Variants in CD226 observed in about 807,000 individuals in gnomAD.
CD226 encodes the protein CD226 antigen.
Under a neutral mutation model 34.9 loss-of-function variants are expected in CD226, and 24 were observed. The observed-to-expected ratio is 0.69, with a 90% CI of 0.50 to 0.97. The LOEUF (loss-of-function observed/expected upper bound fraction) is 0.97, where lower values mean the gene tolerates loss of function less well. Among genes scored for constraint, CD226 ranks in the 50% least tolerant of loss-of-function variants. CD226 has a pLI of 0.00. For missense variants in CD226, 397 were observed against 412.7 expected (o/e 0.96, Z 0.33); for synonymous variants, 148 against 147.4 (o/e 1.00, Z -0.03).
At chr18:69,939,511 A>ATG (rs1323783360) in intron 2 of CD226, among the ~76,000 whole-genome samples, 1 of 152,118 alleles carries the variant, frequency 6.6e-6, no homozygotes, top group East Asian at 1.9e-4. Context: ...TCTACTGTTG[A>ATG]TGGGTATTTG....
rs1356436254 is a variant in CD226 at position 69,872,093 on chromosome 18, G to GTGTGGTA, written c.830+1050_830+1051insTACCACA. Reference sequence around the variant, plus strand: ...GTGTGTGTGTGTGTGTGTGTGTGGTGCATTTGGTAACATTACTGAAGGAGA... The same window carrying GTGTGGTA: ...GTGTGTGTGTGTGTGTGTGTGTGGTGTGTGGTACATTTGGTAACATTACTGAAGGAGA... On this transcript the variant is annotated intron_variant, in intron 4 of 5. Coordinates refer to ENST00000582621, the MANE Select transcript of CD226 (RefSeq NM_001303618.2). 7.4e-3 allele frequency among the ~76,000 whole-genome samples: 726 copies of GTGTGGTA among 98,112 alleles called. 4 individuals carry two copies. Among genetic ancestry groups the GTGTGGTA allele is most frequent in the Non-Finnish European group, 0.012 (559 of 46,332 alleles). 64.4% of individuals were successfully genotyped at this position (98,112 alleles called of 152,430 possible). A position where few individuals can be genotyped will look rare whatever the true frequency, so the allele number is the denominator to read the frequency against.
At chr18:69,868,286 T>C (rs1004496174) in intron 4 of CD226, among the ~76,000 whole-genome samples, 2 of 152,184 alleles carry the variant, frequency 1.3e-5, no homozygotes, top group Non-Finnish European at 2.9e-5. Flanking sequence ...AACAACAGAC[T>C]CCTCTGTTAG....
At chr18:69,874,195 A>G (rs1280789810) in intron 3 of CD226, among the ~76,000 whole-genome samples, 1 of 152,204 alleles carries the variant, frequency 6.6e-6, no homozygotes, top group Non-Finnish European at 1.5e-5. Flanking sequence ...AGCCCTAATT[A>G]CATCACAGAA....
At position 69,867,384 on chromosome 18, in the gene CD226, T is replaced by C. The variant is rs1983212427; in HGVS notation, c.858A>G (p.Leu286=). 1.9e-6 allele frequency: 3 copies of C among 1,596,128 alleles called. No individual in the cohort carries two copies. Among genetic ancestry groups the C allele is most frequent in the African/African-American group, 1.3e-5 (1 of 74,554 alleles). ...NRRRRRERRD[L]FTESWDTQKA... is the part of the protein sequence containing the mutation. ...TCTGTGTATCCCAGGACTCTGTAAA[T>C]AGATCTCTTCTCTCTCTCCTTCTCC... Residue 286 remains leucine (L), a synonymous_variant, in exon 5 of 6, where the codon CTA becomes CTG. Coordinates refer to ENST00000582621, the MANE Select transcript of CD226 (RefSeq NM_001303618.2).
intron 3 of CD226, among the ~76,000 whole-genome samples, chr18:69,878,743 G>A (rs533291479): frequency 7.8e-4 from 119 of 152,192 alleles, no homozygotes; most frequent in East Asian, 2.1e-3. Context: ...GGTTTTCGCC[G>A]CCATCATGGT....
chr18:69,913,716 C>G (rs376173762), intron 2 of CD226, among the ~76,000 whole-genome samples: 1 of 152,128 alleles, frequency 6.6e-6, no homozygotes, highest in Non-Finnish European at 1.5e-5. Context: ...ATGGACCTCA[C>G]GAGCAGGCAG....
intron 4 of CD226, among the ~76,000 whole-genome samples, chr18:69,868,273 T>C (rs1406192156): frequency 2.0e-5 from 3 of 152,228 alleles, no homozygotes; most frequent in African/African-American, 2.4e-5. Flanking sequence ...AAGATTCTTA[T>C]TGAACAACAG....
At chr18:69,953,092 C>A (rs2055867540) in intron 1 of CD226, among the ~76,000 whole-genome samples, 1 of 152,170 alleles carries the variant, frequency 6.6e-6, no homozygotes, top group Non-Finnish European at 1.5e-5. Context: ...GAAATTCGAA[C>A]CCTTGTGTAC....
Position 69,956,368 on chromosome 18 carries a change from T to C in CD226, c.-28+387A>G, listed in dbSNP as rs1012418983. Among the ~76,000 whole-genome samples the C allele has an allele frequency of 3.0e-4, 46 of 152,230 alleles. 1 individual carries two copies. Among genetic ancestry groups the C allele is most frequent in the African/African-American group, 1.1e-3 (44 of 41,456 alleles). On this transcript the variant is annotated intron_variant, in intron 1 of 6. Transcript: ENST00000280200. ...AGTAGGATAATAAATCTTTGGATCA[T>C]GGACATTTATTATTTAAGTTCATCC...
upstream of CD226, among the ~76,000 whole-genome samples, chr18:69,960,350 G>T (rs2145394331): frequency 6.6e-6 from 1 of 152,076 alleles, no homozygotes; most frequent in East Asian, 1.9e-4. Flanking sequence ...ACTGAACATA[G>T]AAAGCAGGAG....
At chr18:69,915,190 T>C (rs1331374010) in intron 2 of CD226, among the ~76,000 whole-genome samples, 12 of 152,334 alleles carry the variant, frequency 7.9e-5, no homozygotes, top group Admixed American at 7.8e-4. Flanking sequence ...TTGGATCTGA[T>C]AGGGTTGACA....
chr18:69,959,198 A>C (rs2055918246), upstream of CD226, among the ~76,000 whole-genome samples: 1 of 152,224 alleles, frequency 6.6e-6, no homozygotes, highest in Non-Finnish European at 1.5e-5. Flanking sequence ...AAATAACCTG[A>C]GACAAATTAA....
intron 2 of CD226, among the ~76,000 whole-genome samples, chr18:69,911,963 A>G (rs2145288112): frequency 6.6e-6 from 1 of 152,312 alleles, no homozygotes; most frequent in Middle Eastern, 3.4e-3. Flanking sequence ...TCAGCTGAAT[A>G]CAGTAAATCT....
At chr18:69,940,543 G>A (rs964765515) in intron 2 of CD226, among the ~76,000 whole-genome samples, 5 of 152,270 alleles carry the variant, frequency 3.3e-5, no homozygotes, top group African/African-American at 9.6e-5. Context: ...AGATGGAGAT[G>A]AGGAACTTTT....
At chr18:69,892,749 C>CTG (rs1984981010) in intron 3 of CD226, among the ~76,000 whole-genome samples, 1 of 138,550 alleles carries the variant, frequency 7.2e-6, no homozygotes, top group Non-Finnish European at 1.6e-5. Context: ...AAGAGCCCCT[C>CTG]TCTGTGTGTG....
intron 3 of CD226, among the ~76,000 whole-genome samples, chr18:69,893,966 G>A (rs992587012): frequency 3.9e-5 from 6 of 152,120 alleles, no homozygotes; most frequent in African/African-American, 9.7e-5. Flanking sequence ...TATGAGCAAA[G>A]TCTATAAAGG....
chr18:69,907,390 C>T (rs1186047408), intron 2 of CD226, among the ~76,000 whole-genome samples: 2 of 152,146 alleles, frequency 1.3e-5, no homozygotes, highest in African/African-American at 2.4e-5. Context: ...TATCTTGACT[C>T]AGCACCTCCT....
upstream of CD226, among the ~76,000 whole-genome samples, chr18:69,957,621 T>G (rs1356656025): frequency 3.9e-5 from 6 of 152,176 alleles, no homozygotes; most frequent in Admixed American, 3.9e-4. Context: ...GTTTGACAGG[T>G]GAGAAGGCAC....
intron 5 of CD226, among the ~76,000 whole-genome samples, chr18:69,865,811 G>A (rs1599369182): frequency 1.3e-5 from 2 of 152,324 alleles, no homozygotes; most frequent in Admixed American, 1.3e-4. Context: ...TTAGTACTTG[G>A]CTTGTGGCCA....
Sources: gnomAD v4.1 joint callset for allele counts (sites outside exome capture counted in the v4.1 genomes callset) on GRCh38, gnomAD v4.1.1 for gene constraint, MANE v1.5 for transcripts, NCBI Gene and HGNC (gene_info 2026-07-23, HGNC 2026-07-21) for gene names.